Variants in ARFIP1 observed in about 807,000 individuals in gnomAD.
ARFIP1 encodes the protein ARF interacting protein 1.
A neutral mutation model predicts 42.5 loss-of-function variants in ARFIP1; 24 were observed. The observed-to-expected ratio is 0.57, with a 90% CI of 0.41 to 0.80. ARFIP1 has a LOEUF of 0.80. Among genes scored for constraint, ARFIP1 ranks in the 30% least tolerant of loss-of-function variants. ARFIP1 has a pLI of 0.00. For missense variants in ARFIP1, 354 were observed against 434.0 expected (o/e 0.82, Z 1.64); for synonymous variants, 141 against 153.7 (o/e 0.92, Z 0.61).
chr4:152,824,978 T>TAC lies in ARFIP1; in HGVS notation c.-9-4633_-9-4632dup, dbSNP rs143500895. 4.4e-3 allele frequency among the ~76,000 whole-genome samples: 653 copies of TAC among 149,788 alleles called. 3 individuals are homozygous for TAC. Among genetic ancestry groups the TAC allele is most frequent in the African/African-American group, 0.014 (585 of 40,912 alleles). ...TACACACACGCACACCACACATACA[T>TAC]ACACACACACACACATACATATACA... On this transcript the variant is annotated intron_variant, in intron 1 of 8. Coordinates refer to ENST00000353617, the MANE Select transcript of ARFIP1 (RefSeq NM_001025595.3).
At chr4:152,862,489 T>C (rs1733973624) in intron 2 of ARFIP1, among the ~76,000 whole-genome samples, 1 of 152,082 alleles carries the variant, frequency 6.6e-6, no homozygotes, top group African/African-American at 2.4e-5. Flanking sequence ...AGAAATATCC[T>C]GGACCCCTGC....
chr4:152,847,124 C>CTTTTGTTTTTTTTTTTT (rs1732601555), intron 2 of ARFIP1, among the ~76,000 whole-genome samples: 1 of 40,584 alleles, frequency 2.5e-5, no homozygotes, highest in South Asian at 1.2e-3. Context: ...TAGGTTTGTT[C>CTTTTGTTTTTTTTTTTT]TTTTTTTTTT....
chr4:152,844,238 C>A (rs749278912), intron 2 of ARFIP1, among the ~76,000 whole-genome samples: 1 of 152,232 alleles, frequency 6.6e-6, no homozygotes, highest in Non-Finnish European at 1.5e-5. Flanking sequence ...TTTCCCACTT[C>A]CGTAGTTGGG....
At chr4:152,793,878 C>T (rs1731276646) in intron 1 of ARFIP1, among the ~76,000 whole-genome samples, 1 of 152,130 alleles carries the variant, frequency 6.6e-6, no homozygotes. Flanking sequence ...ACTGCCTGAA[C>T]CTTCCATTTT....
intron 5 of ARFIP1, among the ~76,000 whole-genome samples, chr4:152,880,577 A>T (rs1337991008): frequency 1.3e-5 from 2 of 152,162 alleles, no homozygotes; most frequent in Admixed American, 6.5e-5. Flanking sequence ...ATAGAAGTAA[A>T]AGAGCATTTG....
intron 2 of ARFIP1, among the ~76,000 whole-genome samples, chr4:152,837,971 A>G (rs1731785607): frequency 6.6e-6 from 1 of 152,172 alleles, no homozygotes; most frequent in Non-Finnish European, 1.5e-5. Flanking sequence ...AGAGATGAGA[A>G]TCCAGTTTCA....
chr4:152,885,915 C>G (rs1166298172), intron 7 of ARFIP1, among the ~76,000 whole-genome samples: 2 of 151,764 alleles, frequency 1.3e-5, no homozygotes, highest in Admixed American at 1.3e-4. Flanking sequence ...TGTGTTTTAT[C>G]TATATGAAGT....
intron 1 of ARFIP1, among the ~76,000 whole-genome samples, chr4:152,827,073 A>G (rs901116128): frequency 6.6e-6 from 1 of 152,200 alleles, no homozygotes; most frequent in Non-Finnish European, 1.5e-5. Flanking sequence ...TTATAAGATG[A>G]AAAAGTTTTG....
chr4:152,803,110 A>C (rs1448252941), intron 1 of ARFIP1, among the ~76,000 whole-genome samples: 1 of 152,174 alleles, frequency 6.6e-6, no homozygotes, highest in Non-Finnish European at 1.5e-5. Flanking sequence ...GTATGAAGAA[A>C]GGAGGGGGAG....
intron 1 of ARFIP1, among the ~76,000 whole-genome samples, chr4:152,807,829 C>A (rs1729105899): frequency 6.6e-6 from 1 of 151,906 alleles, no homozygotes. Flanking sequence ...ATTTTGCTTA[C>A]CCACGGTCAT....
intron 1 of ARFIP1, among the ~76,000 whole-genome samples, chr4:152,797,116 T>A (rs1731518313): frequency 6.6e-6 from 1 of 152,258 alleles, no homozygotes. Context: ...ATTTTATATC[T>A]AGATTCCTAA....
At chr4:152,895,551 CTTTTTTT>C (rs34697452) in intron 8 of ARFIP1, among the ~76,000 whole-genome samples, 2 of 63,898 alleles carry the variant, frequency 3.1e-5, no homozygotes, top group Non-Finnish European at 5.4e-5. Context: ...TGCACTTGGC[CTTTTTTT>C]TTTTTTTTTT....
intron 1 of ARFIP1, among the ~76,000 whole-genome samples, chr4:152,822,728 C>G (rs188018880): frequency 6.8e-4 from 104 of 152,266 alleles, no homozygotes; most frequent in African/African-American, 2.4e-3. Context: ...CAGATCACAG[C>G]AGAATAAAAC....
intron 2 of ARFIP1, among the ~76,000 whole-genome samples, chr4:152,857,614 TTTAG>T (rs1195061827): frequency 1.1e-4 from 16 of 152,198 alleles, no homozygotes; most frequent in African/African-American, 3.9e-4. Flanking sequence ...GTTAGCACAG[TTTAG>T]TTAAATAACA....
chr4:152,873,198 G>A (rs1474364809), intron 5 of ARFIP1, among the ~76,000 whole-genome samples: 4 of 152,154 alleles, frequency 2.6e-5, no homozygotes, highest in Non-Finnish European at 4.4e-5. Flanking sequence ...TGTAGAATTC[G>A]TGGAATAGTT....
intron 1 of ARFIP1, among the ~76,000 whole-genome samples, chr4:152,785,652 G>A (rs574929559): frequency 7.2e-5 from 11 of 152,276 alleles, no homozygotes; most frequent in African/African-American, 2.2e-4. Context: ...AGCAGAAAAT[G>A]GAAAGGATGT....
intron 2 of ARFIP1, among the ~76,000 whole-genome samples, chr4:152,842,225 T>C (rs1330484873): frequency 6.6e-6 from 1 of 151,666 alleles, no homozygotes; most frequent in Non-Finnish European, 1.5e-5. Flanking sequence ...GGAGGGACAA[T>C]GATCCGGATA....
chr4:152,904,561 C>T lies in ARFIP1; in HGVS notation c.967-5503C>T, dbSNP rs1042212592. Among the ~76,000 whole-genome samples, 16 of 152,104 alleles carry T rather than the reference C, an allele frequency of 1.1e-4. 1 individual carries two copies. The highest frequency in any genetic ancestry group is 1.5e-5 in the Non-Finnish European group (1 of 68,012). On this transcript the variant is annotated intron_variant, in intron 8 of 8. Coordinates refer to ENST00000353617, the MANE Select transcript of ARFIP1 (RefSeq NM_001025595.3). Reference sequence around the variant, plus strand: ...ATGCTCTCCCTCCTCCGGCAACCCCCCGACAGGCCCCAGTGTGTGTTGATC... The same window carrying T: ...ATGCTCTCCCTCCTCCGGCAACCCCTCGACAGGCCCCAGTGTGTGTTGATC...
At chr4:152,782,441 A>G (rs1003074118) in intron 1 of ARFIP1, among the ~76,000 whole-genome samples, 1 of 152,196 alleles carries the variant, frequency 6.6e-6, no homozygotes, top group Non-Finnish European at 1.5e-5. Context: ...GTTTCTTCTT[A>G]GGGATAGCTG....
Sources: allele counts gnomAD v4.1 joint callset (sites outside exome capture counted in the v4.1 genomes callset), GRCh38; gene constraint gnomAD v4.1.1; transcripts MANE v1.5; gene names NCBI Gene and HGNC (gene_info 2026-07-23, HGNC 2026-07-21).